The following DNAH10 variants were observed in gnomAD, a reference collection of about 807,000 sequenced individuals.
DNAH10 encodes dynein axonemal heavy chain 10, also known as axonemal beta dynein heavy chain 10.
Under a neutral mutation model 506.6 loss-of-function variants are expected in DNAH10, and 348 were observed. The observed-to-expected ratio is 0.69, with a 90% CI of 0.63 to 0.75. The LOEUF (loss-of-function observed/expected upper bound fraction) is 0.75. DNAH10 is among the 30% of genes least tolerant of loss of function. DNAH10 has a pLI of 0.00. For synonymous variants in DNAH10, 2,059 were observed against 2,198.6 expected (o/e 0.94, Z 1.78); for missense variants, 5,179 against 5,787.1 (o/e 0.89, Z 3.41).
chr12:123,912,999 C>T, intron 59 of DNAH10, 99 bp from the exon 60 acceptor site: 3 of 1,142,752 alleles, frequency 2.6e-6, no homozygotes, highest in Non-Finnish European at 2.5e-6. Context: ...GCACAGACAC[C>T]ATTAGAGCAG....
chr12:123,826,795 G>A lies in DNAH10; in HGVS notation c.4288G>A (p.Val1430Ile). Reference protein sequence around the residue: ...LRALRKLPRPVRGLSVTYYLE... With the variant: ...LRALRKLPRPIRGLSVTYYLE... ...GGCTCTCAGAAAGCTACCTCGGCCA[G>A]TCCGTGGCTTATCAGTGACCTACTA... is the stretch of plus-strand genomic sequence containing the variant. The change falls in exon 25 of 79, where the codon GTC becomes ATC. Residue 1430 changes from valine to isoleucine, a missense_variant. Transcript: ENST00000673944. The A allele has an allele frequency of 6.2e-7, 1 of 1,614,016 alleles. No individual in the cohort carries two copies. The highest frequency in any genetic ancestry group is 1.1e-5 in the South Asian group (1 of 91,088).
chr12:123,827,207 A>G (rs1457719374), intron 25 of DNAH10, among the ~76,000 whole-genome samples: 1 of 152,232 alleles, frequency 6.6e-6, no homozygotes, highest in Non-Finnish European at 1.5e-5. Flanking sequence ...TCCAGCAGAC[A>G]TCAAACGGAA....
intron 5 of DNAH10, among the ~76,000 whole-genome samples, chr12:123,775,390 T>C (rs1957401037): frequency 6.6e-6 from 1 of 152,204 alleles, no homozygotes; most frequent in Admixed American, 6.5e-5. Context: ...ATTACAGGCA[T>C]GAGCCACCAT....
Position 123,849,324 on chromosome 12 carries a change from A to G in DNAH10, c.6102+442A>G, listed in dbSNP as rs1480269593. ...CATAACAAGCAGGATTTGCAAGGTT[A>G]TCAAAGTGAGAAGGCAGAATTTTAA... On this transcript the variant is annotated intron_variant, in intron 34 of 78. Coordinates refer to ENST00000673944, the MANE Select transcript of DNAH10 (RefSeq NM_001372106.1). Among the ~76,000 whole-genome samples, 3 of 152,190 alleles carry G rather than the reference A, an allele frequency of 2.0e-5. No homozygotes were observed. In the East Asian group the frequency reaches 5.8e-4, roughly 29 times the overall value.
intron 23 of DNAH10, 102 bp from the exon 24 acceptor site, chr12:123,820,478 G>T: frequency 8.2e-7 from 1 of 1,225,574 alleles, no homozygotes; most frequent in Non-Finnish European, 1.1e-6. Flanking sequence ...TGTGGTTTAT[G>T]AGGATGAAAT....
intron 28 of DNAH10, among the ~76,000 whole-genome samples, chr12:123,838,206 G>A (rs11057369): frequency 0.14 from 21,069 of 152,176 alleles, 2,035 homozygotes; most frequent in Non-Finnish European, 0.21. Context: ...CTGCGCAGCT[G>A]GCCTTCTTAC....
chr12:123,929,301 G>A lies in DNAH10; in HGVS notation c.12333G>A (p.Leu4111=). 1 of 1,601,600 alleles carries A rather than the reference G, an allele frequency of 6.2e-7. No individual in the cohort carries two copies. The highest frequency in any genetic ancestry group is 1.1e-5 in the South Asian group (1 of 88,422). ...LKVVTEPPNG[L]KLNMRATYFK... is the part of the protein sequence containing the mutation. Reference sequence around the variant, plus strand: ...TTGTCACCGAGCCACCCAATGGGCTGAAACTCAACATGAGGGCAACTTACT... The same window carrying A: ...TTGTCACCGAGCCACCCAATGGGCTAAAACTCAACATGAGGGCAACTTACT... The change falls in exon 71 of 79, where the codon CTG becomes CTA. Residue 4111 remains leucine, a synonymous_variant. Coordinates refer to ENST00000673944, the MANE Select transcript of DNAH10 (RefSeq NM_001372106.1).
rs569994362 is a variant in DNAH10, at chr12:123,864,006, A to G, written c.6909-589A>G. On this transcript the variant is annotated intron_variant, in intron 39 of 78. Coordinates refer to ENST00000673944, the MANE Select transcript of DNAH10 (RefSeq NM_001372106.1). ...TCTTCATGGGCAGCCACTACTCAGC[A>G]TCAGCTGATTGTTCCCACGAAGGAA... 2.6e-5 allele frequency among the ~76,000 whole-genome samples: 4 copies of G among 152,354 alleles called. No homozygotes were observed. In the South Asian group the frequency reaches 8.3e-4, roughly 32 times the overall value.
chr12:123,913,526 C>T lies in DNAH10; in HGVS notation c.10352+211C>T, dbSNP rs918170785. Among the ~76,000 whole-genome samples the T allele has an allele frequency of 6.6e-6, 1 of 152,146 alleles. No individual in the cohort carries two copies. Among genetic ancestry groups the T allele is most frequent in the Non-Finnish European group, 1.5e-5 (1 of 68,040 alleles). On this transcript the variant is annotated intron_variant, in intron 60 of 78. Coordinates refer to ENST00000673944, the MANE Select transcript of DNAH10 (RefSeq NM_001372106.1). The surrounding 1 kb of genome is among the most constrained non-coding windows in gnomAD (Gnocchi z 5.1). ...GGCACTGAGTGTTATTTATTAATTACTAAGGGTCAAGGAGGCAGTGCAGCT... is the reference window on the plus strand; with the variant it reads ...GGCACTGAGTGTTATTTATTAATTATTAAGGGTCAAGGAGGCAGTGCAGCT...
chr12:123,928,211 GGTTTCT>G lies in DNAH10; in HGVS notation c.12106-175_12106-170del. On this transcript the variant is annotated intron_variant, in intron 69 of 78. Coordinates refer to ENST00000673944, the MANE Select transcript of DNAH10 (RefSeq NM_001372106.1). This position sits in a 1 kb window ranked among gnomAD's most constrained non-coding sequence, Gnocchi z 4.9. ...CTCAGTGCACCCACGGGGCCCATGG[GGTTTCT>G]CAAAGATGGTTTATTTGAAGGCTCC... The G allele has an allele frequency of 1.4e-6, 1 of 707,884 alleles. No homozygotes were observed. The highest frequency in any genetic ancestry group is 2.9e-5 in the Admixed American group (1 of 34,966). 43.9% of individuals were successfully genotyped at this position (707,884 alleles called of 1,614,324 possible).
chr12:123,890,126 C>A (rs1193522232), intron 52 of DNAH10, among the ~76,000 whole-genome samples: 2 of 152,182 alleles, frequency 1.3e-5, no homozygotes, highest in Non-Finnish European at 2.9e-5. Flanking sequence ...CCATGGACAC[C>A]TTTAGAGGGC....
chr12:123,871,865 A>G (rs1300002956), intron 45 of DNAH10, among the ~76,000 whole-genome samples: 1 of 152,224 alleles, frequency 6.6e-6, no homozygotes, highest in Non-Finnish European at 1.5e-5. Context: ...TGGAGGCCTC[A>G]GTTCCTCACC....
chr12:123,862,714 T>C (rs1951659795), intron 39 of DNAH10, among the ~76,000 whole-genome samples: 1 of 152,184 alleles, frequency 6.6e-6, no homozygotes, highest in Non-Finnish European at 1.5e-5. Flanking sequence ...ATAGTGAATA[T>C]AAATGGAGAC....
intron 57 of DNAH10, among the ~76,000 whole-genome samples, chr12:123,908,860 A>G (rs190970810): frequency 0.017 from 2,523 of 152,082 alleles, 72 homozygotes; most frequent in African/African-American, 0.057. Flanking sequence ...GTTGGTGGTG[A>G]TGGTGATGGT....
At chr12:123,912,638 C>T (rs924620543) in intron 59 of DNAH10, among the ~76,000 whole-genome samples, 4 of 152,278 alleles carry the variant, frequency 2.6e-5, no homozygotes, top group African/African-American at 7.2e-5. Context: ...CAAAACCTAC[C>T]GCAGTTGAGA....
In DNAH10 at chr12:123,853,886, GCA is replaced by G. The variant is rs1246593601; in HGVS notation, c.6438+540_6438+541del. Among the ~76,000 whole-genome samples, 1 of 147,382 alleles carries G rather than the reference GCA, an allele frequency of 6.8e-6. No individual in the cohort carries two copies. The highest frequency in any genetic ancestry group is 1.5e-5 in the Non-Finnish European group (1 of 66,842). ...CACACACACACGGATACATGCACGC[GCA>G]CACACGTACGCACGCACATGTACAC... On this transcript the variant is annotated intron_variant, in intron 36 of 78. Transcript: ENST00000673944. The surrounding 1 kb of genome is among the most constrained non-coding windows in gnomAD (Gnocchi z 4.7).
Position 123,923,846 on chromosome 12 carries a change from G to T in DNAH10, c.11590G>T (p.Glu3864Ter). Residue 3864 changes from glutamate to a stop codon, truncating the protein, a stop_gained, in exon 66 of 79, where the codon GAA (glutamate) becomes TAA (stop). Coordinates refer to ENST00000673944, the MANE Select transcript of DNAH10 (RefSeq NM_001372106.1). LOFTEE classifies it high-confidence loss of function. ...AGCAGAAGGGAGAGTCCCTCAAGAA[G>T]AACTAGATTTCTTTTTAAAAGGTAA... ...EQAEGRVPQE[E>*]LDFFLKGNIS... 1.2e-6 allele frequency: 2 copies of T among 1,610,362 alleles called. No individual in the cohort carries two copies. Among genetic ancestry groups the T allele is most frequent in the Non-Finnish European group, 1.7e-6 (2 of 1,178,842 alleles).
chr12:123,908,178 T>TGTCTCCTCCCTATCTCC (rs1953889518), intron 57 of DNAH10: 1 of 249,946 alleles, frequency 4.0e-6, no homozygotes, highest in African/African-American at 4.0e-5. Context: ...TCCCTGTCTC[T>TGTCTCCTCCCTATCTCC]CTGTCTCCTC....
rs188910387 is a variant in DNAH10, at chr12:123,833,077, C to T, written c.4546-37C>T. ...GGGTTGGGGCTCGGTCCTTTCAGTT[C>T]GTGTGCCTGAATCATTCTTTTTCTA... On this transcript the variant is annotated intron_variant, in intron 26 of 78. Transcript: ENST00000673944. The T allele has an allele frequency of 1.2e-5, 18 of 1,520,716 alleles. No individual in the cohort carries two copies. In the East Asian group the frequency reaches 1.9e-4, roughly 16 times the overall value. 94.2% of individuals were successfully genotyped at this position (1,520,716 alleles called of 1,614,324 possible). A position where few individuals can be genotyped will look rare whatever the true frequency, so the allele number is the denominator to read the frequency against.
Sources: allele counts gnomAD v4.1 joint callset (sites outside exome capture counted in the v4.1 genomes callset), GRCh38; gene constraint gnomAD v4.1.1; non-coding constraint Gnocchi (gnomAD v3.1); transcripts MANE v1.5; gene names NCBI Gene and HGNC (gene_info 2026-07-23, HGNC 2026-07-21).